SLC2A14: variants seen among roughly 807,000 people sequenced by gnomAD.
The protein encoded by SLC2A14 is solute carrier family 2, facilitated glucose transporter member 14.
SLC2A14 carries 13 observed loss-of-function variants against 43.0 expected under a neutral mutation model. The observed-to-expected ratio is 0.30, with a 90% CI of 0.20 to 0.48. SLC2A14 has a LOEUF of 0.48. SLC2A14 is among the 20% of genes least tolerant of loss of function. The pLI is 0.99. For missense variants in SLC2A14, 428 were observed against 620.4 expected, an observed-to-expected ratio of 0.69 and a Z score of 3.29; for synonymous variants, 190 against 233.8, an observed-to-expected ratio of 0.81 and a Z score of 1.71.
intron 1 of SLC2A14, among the ~76,000 whole-genome samples, chr12:7,890,208 C>T (rs1945751559): frequency 1.3e-5 from 2 of 152,064 alleles, no homozygotes; most frequent in African/African-American, 4.8e-5. Flanking sequence ...CTGGTTCACA[C>T]AGCTCTGATA....
chr12:7,885,647 A>G (rs1382468443), intron 1 of SLC2A14, among the ~76,000 whole-genome samples: 1 of 151,732 alleles, frequency 6.6e-6, no homozygotes, highest in Non-Finnish European at 1.5e-5. Context: ...CAAGCTCTAT[A>G]TCATGGGGAG....
At chr12:7,858,654 C>T (rs1313955443) in intron 2 of SLC2A14, among the ~76,000 whole-genome samples, 1 of 152,026 alleles carries the variant, frequency 6.6e-6, no homozygotes, top group Non-Finnish European at 1.5e-5. Context: ...CATGTGCCAC[C>T]ACACCCTGCT....
At chr12:7,826,851 T>A (rs1864406363) in intron 7 of SLC2A14, among the ~76,000 whole-genome samples, 1 of 10,172 alleles carries the variant, frequency 9.8e-5, no homozygotes, top group African/African-American at 2.0e-4. Context: ...CCTTCCTTCC[T>A]TCCTTTCTTT....
intron 1 of SLC2A14, among the ~76,000 whole-genome samples, chr12:7,880,707 A>G (rs920386426): frequency 7.2e-6 from 1 of 139,518 alleles, no homozygotes; most frequent in Non-Finnish European, 1.6e-5. Context: ...AAAAAAAAAA[A>G]AAAAAAAGAG....
intron 7 of SLC2A14, among the ~76,000 whole-genome samples, chr12:7,827,063 T>C (rs28654145): frequency 5.5e-5 from 5 of 91,040 alleles, no homozygotes; most frequent in Non-Finnish European, 1.0e-4. Flanking sequence ...CTCTCTTTCT[T>C]TCTCTCTCTC....
At chr12:7,858,415 CAT>C (rs1406747020) in intron 2 of SLC2A14, among the ~76,000 whole-genome samples, 9 of 152,178 alleles carry the variant, frequency 5.9e-5, no homozygotes, top group African/African-American at 1.2e-4. Context: ...TTATCATACA[CAT>C]GATTTGCTAT....
intron 2 of SLC2A14, among the ~76,000 whole-genome samples, chr12:7,854,112 C>A (rs763099898): frequency 2.6e-5 from 4 of 152,016 alleles, no homozygotes; most frequent in Non-Finnish European, 5.9e-5. Context: ...AGTCATATAT[C>A]TATAGCCTGT....
chr12:7,826,873 C>CTT lies in SLC2A14; in HGVS notation c.864+620_864+621dup, dbSNP rs1162316142. Among the ~76,000 whole-genome samples the CTT allele has an allele frequency of 1.5e-3, 29 of 19,992 alleles. 2 individuals are homozygous for CTT. The highest frequency in any genetic ancestry group is 2.6e-3 in the Non-Finnish European group (26 of 10,190). The allele number at this position is 19,992 out of a possible 152,430, so 13.1% of individuals were successfully genotyped here. ...TCCTTCCTTTCTTTTTTCTTTCTTT[C>CTT]TTTCTTTCTTTCTTTCTTTCTTTCT... is the stretch of plus-strand genomic sequence containing the variant. On this transcript the variant is annotated intron_variant, in intron 7 of 10. Transcript: ENST00000431042.
At position 7,826,894 on chromosome 12, in the gene SLC2A14, T is replaced by C. The variant is rs1483667206; in HGVS notation, c.864+601A>G. On this transcript the variant is annotated intron_variant, in intron 7 of 10. Coordinates refer to ENST00000431042, the MANE Select transcript of SLC2A14 (RefSeq NM_001286234.2). ...CTTTCTTTCTTTCTTTCTTTCTTTC[T>C]TTCTTTCTTTCTTTCTTTCTTTTTC... 5.9e-3 allele frequency among the ~76,000 whole-genome samples: 365 copies of C among 61,756 alleles called. 91 individuals carry two copies. The highest frequency in any genetic ancestry group is 8.7e-3 in the African/African-American group (94 of 10,764). The allele number at this position is 61,756 out of a possible 152,430, so 40.5% of individuals were successfully genotyped here.
At chr12:7,817,399 G>A (rs1863545651) in intron 10 of SLC2A14, among the ~76,000 whole-genome samples, 1 of 152,040 alleles carries the variant, frequency 6.6e-6, no homozygotes, top group Admixed American at 6.6e-5. Flanking sequence ...ACAGGAGTGA[G>A]CCACCTCGCC....
At chr12:7,877,676 C>T (rs1201707128), upstream of SLC2A14, among the ~76,000 whole-genome samples, 1 of 152,078 alleles carries the variant, frequency 6.6e-6, no homozygotes, top group African/African-American at 2.4e-5. Context: ...CCGCCCGCCT[C>T]GGCCTCCCAA....
intron 2 of SLC2A14, among the ~76,000 whole-genome samples, chr12:7,857,176 G>A (rs914515826): frequency 2.0e-5 from 3 of 152,148 alleles, no homozygotes; most frequent in Admixed American, 6.6e-5. Context: ...CTCAAACCCA[G>A]GAGGTGGAGG....
At chr12:7,851,730 A>G (rs1330224797) in intron 2 of SLC2A14, among the ~76,000 whole-genome samples, 2 of 152,164 alleles carry the variant, frequency 1.3e-5, no homozygotes, top group Non-Finnish European at 1.5e-5. Context: ...GCTGAGAAAG[A>G]ATTTTTCTCC....
At chr12:7,877,530 A>G (rs1427010791), upstream of SLC2A14, among the ~76,000 whole-genome samples, 1 of 151,586 alleles carries the variant, frequency 6.6e-6, no homozygotes, top group South Asian at 2.1e-4. Context: ...AGTTCAAGAG[A>G]TTATCTTGTC....
chr12:7,874,490 G>A (rs112877394), upstream of SLC2A14, among the ~76,000 whole-genome samples: 792 of 151,738 alleles, frequency 5.2e-3, 9 homozygotes, highest in African/African-American at 0.019. Context: ...TGGCCAACAT[G>A]GTGAAACCCC....
At chr12:7,842,974 C>T (rs189501716) in intron 2 of SLC2A14, among the ~76,000 whole-genome samples, 91 of 152,108 alleles carry the variant, frequency 6.0e-4, no homozygotes, top group African/African-American at 1.8e-3. Context: ...GTGATCCGCC[C>T]GCCTCAGCCT....
At position 7,812,593 on chromosome 12, in the gene SLC2A14, A is replaced by G. The variant is rs1188381729; in HGVS notation, c.*1723T>C. On this transcript the variant is annotated 3_prime_UTR_variant, in exon 11 of 11. Transcript: ENST00000431042. ...GAAAATCCATATGGAAATATTCACA[A>G]TCTTCTCAGTGAGAAATAGGAAAAC... is the stretch of plus-strand genomic sequence containing the variant. 6.6e-6 allele frequency: 1 copy of G among 152,202 alleles called. No individual in the cohort carries two copies. Among genetic ancestry groups the G allele is most frequent in the Admixed American group, 6.6e-5 (1 of 15,266 alleles). 9.4% of individuals were successfully genotyped at this position (152,202 alleles called of 1,614,324 possible). A position where few individuals can be genotyped will look rare whatever the true frequency, so the allele number is the denominator to read the frequency against.
intron 2 of SLC2A14, among the ~76,000 whole-genome samples, chr12:7,842,617 T>C (rs760340988): frequency 3.0e-4 from 46 of 152,262 alleles, no homozygotes; most frequent in African/African-American, 1.1e-3. Context: ...TAGCTATCAG[T>C]GGGACACAAT....
rs893267404 is a variant in SLC2A14, at chr12:7,857,776, T to C, written c.18+12087A>G. Among the ~76,000 whole-genome samples the C allele has an allele frequency of 2.0e-5, 3 of 152,136 alleles. No individual in the cohort carries two copies. The East Asian group carries it at 5.8e-4, about 30-fold the overall frequency. On this transcript the variant is annotated intron_variant, in intron 2 of 10. Transcript: ENST00000431042. ...CCTGGGCTCAAGCAATTCTCCTGCC[T>C]CAGCTTCCCAAGTAGCTGGGATTAC...
Sources: allele counts gnomAD v4.1 joint callset (sites outside exome capture counted in the v4.1 genomes callset), GRCh38; gene constraint gnomAD v4.1.1; transcripts MANE v1.5; gene names NCBI Gene and HGNC (gene_info 2026-07-23, HGNC 2026-07-21).